The following TMTC2 variants were observed in gnomAD, a reference collection of about 807,000 sequenced individuals.
TMTC2 encodes transmembrane O-mannosyltransferase targeting cadherins 2, also known as protein O-mannosyl-transferase TMTC2.
Under a neutral mutation model 82.4 loss-of-function variants are expected in TMTC2, and 43 were observed. That is an observed-to-expected ratio of 0.52 (90% CI 0.41 to 0.67). TMTC2 has a LOEUF of 0.67. Among genes scored for constraint, TMTC2 ranks in the 30% least tolerant of loss-of-function variants. The pLI is 0.00. For missense variants in TMTC2, 919 were observed against 1,012.4 expected (o/e 0.91, Z 1.25); for synonymous variants, 408 against 381.9 (o/e 1.07, Z -0.80).
intron 3 of TMTC2, among the ~76,000 whole-genome samples, chr12:82,917,819 G>A (rs140561693): frequency 0.03 from 4,548 of 152,156 alleles, 119 homozygotes; most frequent in East Asian, 0.16. Context: ...AGCCAGGATG[G>A]TCTTGATCTC....
intron 9 of TMTC2, among the ~76,000 whole-genome samples, chr12:83,034,073 A>G (rs990381870): frequency 6.6e-6 from 1 of 151,844 alleles, no homozygotes; most frequent in African/African-American, 2.4e-5. Context: ...TAAAGTTCAT[A>G]GAGAATGTTT....
At chr12:83,010,288 G>T (rs1384458498) in intron 8 of TMTC2, among the ~76,000 whole-genome samples, 2 of 152,112 alleles carry the variant, frequency 1.3e-5, no homozygotes. Context: ...CTTAAAACTT[G>T]TTTATCTTGT....
intron 7 of TMTC2, among the ~76,000 whole-genome samples, chr12:82,970,118 C>T (rs1002147891): frequency 1.2e-4 from 18 of 152,168 alleles, no homozygotes; most frequent in African/African-American, 3.6e-4. Context: ...CAGATACCCT[C>T]GGTTCAAATT....
intron 2 of TMTC2, among the ~76,000 whole-genome samples, chr12:82,883,792 G>A (rs1872955465): frequency 6.6e-6 from 1 of 152,162 alleles, no homozygotes; most frequent in Admixed American, 6.6e-5. Flanking sequence ...CCTCCCATTA[G>A]TTGTCTTCTT....
intron 9 of TMTC2, among the ~76,000 whole-genome samples, chr12:83,037,520 C>A (rs1336693399): frequency 2.6e-5 from 4 of 152,072 alleles, no homozygotes; most frequent in African/African-American, 7.2e-5. Context: ...TTAAAAAAAT[C>A]AATGTTTAGT....
At chr12:82,891,937 A>T (rs1171022472) in intron 2 of TMTC2, among the ~76,000 whole-genome samples, 1 of 152,108 alleles carries the variant, frequency 6.6e-6, no homozygotes, top group East Asian at 1.9e-4. Flanking sequence ...ACACACGCAC[A>T]CACCTGTGGT....
At chr12:83,120,951 G>C (rs1884927970) in intron 11 of TMTC2, among the ~76,000 whole-genome samples, 1 of 152,182 alleles carries the variant, frequency 6.6e-6, no homozygotes, top group Admixed American at 6.5e-5. Flanking sequence ...CTATTGCTGA[G>C]ACTTTCCAGA....
At chr12:83,114,177 A>C (rs1425201236) in intron 11 of TMTC2, among the ~76,000 whole-genome samples, 2 of 152,034 alleles carry the variant, frequency 1.3e-5, no homozygotes, top group Non-Finnish European at 2.9e-5. Flanking sequence ...ATGTGATGGT[A>C]TTTGGAGGTG....
chr12:83,039,093 G>A (rs1018298819), intron 9 of TMTC2, among the ~76,000 whole-genome samples: 2 of 151,856 alleles, frequency 1.3e-5, no homozygotes. Context: ...CACCATGCCC[G>A]GCTAATTTTT....
chr12:82,899,691 T>A (rs1873877997), intron 3 of TMTC2, among the ~76,000 whole-genome samples: 1 of 137,568 alleles, frequency 7.3e-6, no homozygotes, highest in East Asian at 2.1e-4. Flanking sequence ...TATATATATA[T>A]AAGAAAATAT....
At chr12:82,973,678 A>G (rs533906157) in intron 7 of TMTC2, among the ~76,000 whole-genome samples, 2 of 152,368 alleles carry the variant, frequency 1.3e-5, no homozygotes, top group Admixed American at 6.5e-5. Flanking sequence ...TACAAAGGCT[A>G]GCATCCAGTT....
At chr12:83,111,945 C>CA (rs371253481) in intron 11 of TMTC2, among the ~76,000 whole-genome samples, 7,578 of 136,966 alleles carry the variant, frequency 0.055, 326 homozygotes, top group African/African-American at 0.12. Context: ...CTCGTCTCTA[C>CA]AAAAAAAAAA....
intron 10 of TMTC2, among the ~76,000 whole-genome samples, chr12:83,054,070 AAGACTC>A (rs1485764273): frequency 6.6e-6 from 1 of 152,104 alleles, no homozygotes; most frequent in East Asian, 1.9e-4. Context: ...CCAAAGCTCT[AAGACTC>A]AGTGCTTTTC....
chr12:82,979,940 A>G (rs1878846933), intron 7 of TMTC2, among the ~76,000 whole-genome samples: 2 of 151,764 alleles, frequency 1.3e-5, no homozygotes, highest in Non-Finnish European at 3.0e-5. Flanking sequence ...GCCTCCACTG[A>G]AAAGTCTGCT....
intron 11 of TMTC2, among the ~76,000 whole-genome samples, chr12:83,095,735 G>A (rs1884008176): frequency 6.6e-6 from 1 of 152,012 alleles, no homozygotes; most frequent in Non-Finnish European, 1.5e-5. Flanking sequence ...TGAACAAACT[G>A]ATTTATATTT....
At chr12:82,819,448 A>G (rs551200399) in intron 1 of TMTC2, among the ~76,000 whole-genome samples, 1 of 151,298 alleles carries the variant, frequency 6.6e-6, no homozygotes, top group Non-Finnish European at 1.5e-5. Context: ...GATATTCAGA[A>G]CTAGACACTG....
chr12:82,691,343 GAGAA>G (rs2136883065), intron 1 of TMTC2, among the ~76,000 whole-genome samples: 1 of 152,148 alleles, frequency 6.6e-6, no homozygotes, highest in African/African-American at 2.4e-5. Context: ...TTGAAACTTG[GAGAA>G]ACAACTACAC....
chr12:82,725,157 C>T (rs1565722865), intron 1 of TMTC2, among the ~76,000 whole-genome samples: 1 of 151,766 alleles, frequency 6.6e-6, no homozygotes, highest in Admixed American at 6.6e-5. Flanking sequence ...AACAAAAAAA[C>T]TATCAGTAGA....
In TMTC2 at chr12:82,748,936, C is replaced by A. The variant is rs141917840; in HGVS notation, c.83+61267C>A. Among the ~76,000 whole-genome samples, 509 of 152,302 alleles carry A rather than the reference C, an allele frequency of 3.3e-3. 1 individual carries two copies. The highest frequency in any genetic ancestry group is 0.01 in the Middle Eastern group (3 of 294). On this transcript the variant is annotated intron_variant, in intron 1 of 11. Transcript: ENST00000321196. ...TATGTGTATATATGTATGTGTATCT[C>A]TATATATATGTGGGTAAGCTTCTTA...
Sources: allele counts gnomAD v4.1 joint callset (sites outside exome capture counted in the v4.1 genomes callset), GRCh38; gene constraint gnomAD v4.1.1; transcripts MANE v1.5; gene names NCBI Gene and HGNC (gene_info 2026-07-23, HGNC 2026-07-21).